Variants in HLCS observed in about 807,000 individuals in gnomAD.
The protein encoded by HLCS is holocarboxylase synthetase.
In HLCS, 53 loss-of-function variants were observed where a neutral mutation model predicts 75.0. That is an observed-to-expected ratio of 0.71 (90% CI 0.57 to 0.89). The LOEUF is 0.89. Ranked by LOEUF, HLCS falls within the 40% of genes least tolerant of loss-of-function variation. The pLI is 0.00. For missense variants in HLCS, 966 were observed against 1,074.0 expected (o/e 0.90, Z 1.41); for synonymous variants, 431 against 428.6 (o/e 1.01, Z -0.07).
intron 6 of HLCS, among the ~76,000 whole-genome samples, chr21:36,891,126 G>C (rs967786252): frequency 2.0e-5 from 3 of 152,174 alleles, no homozygotes; most frequent in Admixed American, 6.5e-5. Flanking sequence ...TAAACAAAAA[G>C]GCCATGTGCA....
At position 36,937,030 on chromosome 21, in the gene HLCS, A is replaced by T. The variant is rs753979764; in HGVS notation, c.856T>A (p.Leu286Met). ...PDLPYDYSSS[L>M]ESVADETSPE... ...GAGGTCTCATCAGCAACACTCTCCA[A>T]ACTGCTGCTATAATCGTAGGGAAGG... The change falls in exon 4 of 11, where the codon TTG (leucine) becomes ATG (methionine). Residue 286 changes from leucine to methionine, a missense_variant. Physicochemically the swap from Leu to Met is conservative, Grantham distance 15. Coordinates refer to ENST00000674895, the MANE Select transcript of HLCS (RefSeq NM_001352514.2). 2 of 1,613,972 alleles carry T rather than the reference A, an allele frequency of 1.2e-6. No individual in the cohort carries two copies. The highest frequency in any genetic ancestry group is 1.7e-6 in the Non-Finnish European group (2 of 1,179,986).
intron 6 of HLCS, among the ~76,000 whole-genome samples, chr21:36,851,748 T>C (rs1242415831): frequency 6.6e-6 from 1 of 152,244 alleles, no homozygotes; most frequent in Admixed American, 6.5e-5. Flanking sequence ...AGGTGATTAT[T>C]ACACATTGCA....
chr21:36,881,042 C>T (rs1008333698), intron 6 of HLCS, among the ~76,000 whole-genome samples: 2 of 152,086 alleles, frequency 1.3e-5, no homozygotes, highest in Non-Finnish European at 2.9e-5. Context: ...GTGATCTCGG[C>T]TCACTGCAAC....
intron 6 of HLCS, among the ~76,000 whole-genome samples, chr21:36,833,893 C>G (rs2062307454): frequency 6.6e-6 from 1 of 152,168 alleles, no homozygotes; most frequent in Non-Finnish European, 1.5e-5. Context: ...GATGATTCTC[C>G]TTTACACAAC....
At position 36,944,569 on chromosome 21, in the gene HLCS, A is replaced by T. The variant is rs377643679; in HGVS notation, c.331-5575T>A. Among the ~76,000 whole-genome samples the T allele has an allele frequency of 1.9e-3, 285 of 146,264 alleles. 2 individuals are homozygous for T. The highest frequency in any genetic ancestry group is 7.6e-3 in the African/African-American group (275 of 36,170). Reference sequence around the variant, plus strand: ...CAAAACTAGTAAGGACAATTTCTTTATTTTTTTTCCTGCTTCTTTGTTTTG... The same window carrying T: ...CAAAACTAGTAAGGACAATTTCTTTTTTTTTTTTCCTGCTTCTTTGTTTTG... On this transcript the variant is annotated intron_variant, in intron 2 of 10. Transcript: ENST00000674895.
chr21:36,858,162 ATTTC>A (rs1160406574), intron 6 of HLCS, among the ~76,000 whole-genome samples: 1 of 152,220 alleles, frequency 6.6e-6, no homozygotes, highest in Non-Finnish European at 1.5e-5. Context: ...TTTATAAAAA[ATTTC>A]TTTCACTGCC....
chr21:36,864,522 T>C (rs1034572906), intron 6 of HLCS, among the ~76,000 whole-genome samples: 4 of 152,238 alleles, frequency 2.6e-5, no homozygotes, highest in Non-Finnish European at 5.9e-5. Context: ...CTTACTTCTC[T>C]GTTTTATCTA....
At chr21:36,958,135 CG>C (rs1314672487) in intron 2 of HLCS, among the ~76,000 whole-genome samples, 1 of 150,242 alleles carries the variant, frequency 6.7e-6, no homozygotes, top group African/African-American at 2.5e-5. Flanking sequence ...CCCAGCTACT[CG>C]GGTGGCTGAG....
chr21:36,957,304 T>C (rs915724628), intron 2 of HLCS, among the ~76,000 whole-genome samples: 3 of 152,176 alleles, frequency 2.0e-5, no homozygotes, highest in Non-Finnish European at 2.9e-5. Flanking sequence ...CTCTCATTCT[T>C]GCCATGTGAC....
At position 36,846,748 on chromosome 21, in the gene HLCS, G is replaced by C. The variant is rs187053368; in HGVS notation, c.1892+50112C>G. On this transcript the variant is annotated intron_variant, in intron 6 of 10. Coordinates refer to ENST00000674895, the MANE Select transcript of HLCS (RefSeq NM_001352514.2). ...TTTTACTTTTCAACCTTGAGGCTCA[G>C]CTCACTCAGGTCTGAGCAAGAATAA... Among the ~76,000 whole-genome samples, 25 of 152,302 alleles carry C rather than the reference G, an allele frequency of 1.6e-4. No individual in the cohort carries two copies. The East Asian group carries it at 4.6e-3, about 28-fold the overall frequency.
intron 6 of HLCS, among the ~76,000 whole-genome samples, chr21:36,874,265 T>G (rs973833606): frequency 1.3e-5 from 2 of 151,742 alleles, no homozygotes; most frequent in Non-Finnish European, 2.9e-5. Context: ...AGCCAGGTGT[T>G]GTGGTGGGCG....
intron 6 of HLCS, among the ~76,000 whole-genome samples, chr21:36,806,578 G>T (rs888192655): frequency 4.6e-5 from 7 of 152,188 alleles, no homozygotes; most frequent in Admixed American, 2.0e-4. Context: ...ATGAAGAAAT[G>T]GGCAGAAAAG....
chr21:36,988,076 C>G (rs1463488594), intron 1 of HLCS, among the ~76,000 whole-genome samples: 1 of 151,980 alleles, frequency 6.6e-6, no homozygotes, highest in African/African-American at 2.4e-5. Flanking sequence ...TTTAGTTTTT[C>G]TTTTTAAATA....
At chr21:36,764,982 G>A in intron 8 of HLCS, 30 bp downstream of exon 8, 3 of 1,611,546 alleles carry the variant, frequency 1.9e-6, no homozygotes, top group Non-Finnish European at 1.7e-6. Context: ...TGCATCCCAG[G>A]GACATAGAAG....
At chr21:36,969,667 A>C (rs528620819), upstream of HLCS, 5 of 151,416 alleles carry the variant, frequency 3.3e-5, no homozygotes, top group South Asian at 1.0e-3. Flanking sequence ...CCGCCTCCCA[A>C]GTTCAAGTGA....
At chr21:36,789,511 A>C (rs967928162) in intron 6 of HLCS, among the ~76,000 whole-genome samples, 4 of 152,232 alleles carry the variant, frequency 2.6e-5, no homozygotes, top group African/African-American at 9.6e-5. Context: ...TAAACTAGGA[A>C]ATTTCCATGT....
intron 6 of HLCS, among the ~76,000 whole-genome samples, chr21:36,786,998 T>A (rs2060706637): frequency 6.6e-6 from 1 of 152,190 alleles, no homozygotes; most frequent in Non-Finnish European, 1.5e-5. Flanking sequence ...CACTGAAAGA[T>A]GCGACCATGT....
intron 6 of HLCS, among the ~76,000 whole-genome samples, chr21:36,801,995 CAA>C (rs2061218003): frequency 6.6e-6 from 1 of 151,992 alleles, no homozygotes; most frequent in Non-Finnish European, 1.5e-5. Flanking sequence ...TCTTTAATAA[CAA>C]TATTCATAAT....
chr21:36,876,886 T>C (rs991686775), intron 6 of HLCS, among the ~76,000 whole-genome samples: 1 of 152,212 alleles, frequency 6.6e-6, no homozygotes, highest in Non-Finnish European at 1.5e-5. Context: ...CTTCTCTATT[T>C]CTTTTATTCT....
Sources: gnomAD v4.1 joint callset for allele counts (sites outside exome capture counted in the v4.1 genomes callset) on GRCh38, gnomAD v4.1.1 for gene constraint, MANE v1.5 for transcripts, NCBI Gene and HGNC (gene_info 2026-07-23, HGNC 2026-07-21) for gene names.